The following CSMD1 variants were observed in gnomAD, a reference collection of about 807,000 sequenced individuals.
CSMD1 encodes CUB and Sushi multiple domains 1, also known as CUB and sushi domain-containing protein 1.
CSMD1 carries 213 observed loss-of-function variants against 417.5 expected under a neutral mutation model. The ratio of observed to expected loss-of-function variants is 0.51; its 90% CI spans 0.46 to 0.57. The LOEUF (loss-of-function observed/expected upper bound fraction) is 0.57. CSMD1 is among the 20% of genes least tolerant of loss of function. The pLI is 0.00. For missense variants in CSMD1, 6,923 were observed against 4,529.7 expected (o/e 1.53, Z -15.17); for synonymous variants, 2,862 against 1,736.8 (o/e 1.65, Z -16.11).
chr8:4,074,742 G>C (rs1014309280), intron 3 of CSMD1, among the ~76,000 whole-genome samples: 15 of 151,204 alleles, frequency 9.9e-5, no homozygotes, highest in South Asian at 2.1e-4. Context: ...TTAGGAAAAA[G>C]AAACAAACAA....
chr8:4,253,055 G>A lies in CSMD1; in HGVS notation c.415+166898C>T, dbSNP rs552538721. On this transcript the variant is annotated intron_variant, in intron 3 of 69. Coordinates refer to ENST00000635120, the MANE Select transcript of CSMD1 (RefSeq NM_033225.6). ...AATTTTTCATGTGCCAACGTCTTAC[G>A]ATGAGACTACAAGCTCTTAGAGGAA... Among the ~76,000 whole-genome samples, 27 of 152,276 alleles carry A rather than the reference G, an allele frequency of 1.8e-4. No homozygotes were observed. In the South Asian group the frequency reaches 3.9e-3, roughly 22 times the overall value.
chr8:4,036,292 C>T (rs1049835529), intron 3 of CSMD1, among the ~76,000 whole-genome samples: 1 of 152,018 alleles, frequency 6.6e-6, no homozygotes, highest in Non-Finnish European at 1.5e-5. Context: ...TTGTTATGGT[C>T]AAGCCTCCCA....
At chr8:3,035,059 TAC>T (rs1810582559) in intron 50 of CSMD1, among the ~76,000 whole-genome samples, 1 of 152,100 alleles carries the variant, frequency 6.6e-6, no homozygotes, top group East Asian at 1.9e-4. Flanking sequence ...AAAGTGGAGT[TAC>T]AGTCAGGAGG....
At chr8:3,820,235 A>G (rs180757275) in intron 5 of CSMD1, among the ~76,000 whole-genome samples, 50 of 152,254 alleles carry the variant, frequency 3.3e-4, no homozygotes, top group South Asian at 1.9e-3. Context: ...AGCCATATAG[A>G]CACACTTCCC....
At chr8:4,992,256 G>T (rs1811509734) in intron 1 of CSMD1, among the ~76,000 whole-genome samples, 1 of 151,558 alleles carries the variant, frequency 6.6e-6, no homozygotes. Flanking sequence ...TCATCCTAGC[G>T]CTGCAGCCCA....
intron 25 of CSMD1, among the ~76,000 whole-genome samples, chr8:3,298,240 C>A (rs1804118467): frequency 6.6e-6 from 1 of 152,004 alleles, no homozygotes; most frequent in Non-Finnish European, 1.5e-5. Context: ...CAGTGTATAC[C>A]CATGGAAAAA....
At chr8:4,686,589 G>T (rs575546286) in intron 1 of CSMD1, among the ~76,000 whole-genome samples, 1 of 152,316 alleles carries the variant, frequency 6.6e-6, no homozygotes, top group East Asian at 1.9e-4. Flanking sequence ...CAAGTCCTTC[G>T]TCCAGTCTCA....
chr8:3,350,797 A>C (rs777214875), intron 21 of CSMD1, among the ~76,000 whole-genome samples: 1 of 152,312 alleles, frequency 6.6e-6, no homozygotes, highest in African/African-American at 2.4e-5. Context: ...AAAAAAATCT[A>C]AACCAAAAGA....
At chr8:3,454,976 C>A (rs535445389) in intron 12 of CSMD1, among the ~76,000 whole-genome samples, 2 of 152,354 alleles carry the variant, frequency 1.3e-5, no homozygotes, top group Admixed American at 6.5e-5. Context: ...GGTCTTTTCA[C>A]ATAGTCCCAT....
chr8:4,331,802 T>A (rs1220480916), intron 3 of CSMD1, among the ~76,000 whole-genome samples: 1 of 152,202 alleles, frequency 6.6e-6, no homozygotes, highest in African/African-American at 2.4e-5. Flanking sequence ...TGACTCACAG[T>A]ATTTTTCCTC....
intron 1 of CSMD1, among the ~76,000 whole-genome samples, chr8:4,766,206 G>T (rs1438381726): frequency 6.6e-6 from 1 of 152,156 alleles, no homozygotes; most frequent in South Asian, 2.1e-4. Context: ...CCTACTAACA[G>T]AGCATGTGCT....
intron 49 of CSMD1, among the ~76,000 whole-genome samples, chr8:3,076,307 G>T (rs1250977331): frequency 1.4e-5 from 1 of 73,796 alleles, no homozygotes; most frequent in Non-Finnish European, 2.8e-5. Context: ...TGTCTCTGCA[G>T]GCTAACTTCC....
chr8:4,053,720 G>A (rs543064233), intron 3 of CSMD1, among the ~76,000 whole-genome samples: 1 of 152,074 alleles, frequency 6.6e-6, no homozygotes, highest in East Asian at 1.9e-4. Flanking sequence ...GGAGGAAAAT[G>A]CTCCAGAACT....
chr8:4,227,956 C>G (rs899139273), intron 3 of CSMD1, among the ~76,000 whole-genome samples: 4 of 143,586 alleles, frequency 2.8e-5, no homozygotes, highest in Non-Finnish European at 6.1e-5. Context: ...ATCCTGCATT[C>G]AATCCCACAC....
rs770195119 is a variant in CSMD1, at chr8:3,110,266, G to A, written c.6500C>T (p.Pro2167Leu). 24 of 1,613,264 alleles carry A rather than the reference G, an allele frequency of 1.5e-5. No homozygotes were observed. The highest frequency in any genetic ancestry group is 3.3e-5 in the South Asian group (3 of 90,866). Residue 2167 changes from proline to leucine, a missense_variant, in exon 43 of 70, where the codon CCG becomes CTG. Physicochemically the swap from Pro to Leu is moderately conservative, Grantham distance 98. Coordinates refer to ENST00000635120, the MANE Select transcript of CSMD1 (RefSeq NM_033225.6). Reference protein sequence around the residue: ...IYSPGFPDEYPILKDCIWLIT... With the variant: ...IYSPGFPDEYLILKDCIWLIT... ...GAGCCAAATGCAGTCCTTCAGGATCGGATACTCATCAGGAAAGCCAGGGGA... is the reference window on the plus strand; with the variant it reads ...GAGCCAAATGCAGTCCTTCAGGATCAGATACTCATCAGGAAAGCCAGGGGA...
chr8:4,679,119 C>A (rs1412893076), intron 1 of CSMD1, among the ~76,000 whole-genome samples: 1 of 152,130 alleles, frequency 6.6e-6, no homozygotes, highest in Non-Finnish European at 1.5e-5. Flanking sequence ...GTTTCTTTTT[C>A]TGTCAATGTA....
intron 49 of CSMD1, among the ~76,000 whole-genome samples, chr8:3,054,158 T>G (rs757053871): frequency 3.3e-5 from 5 of 152,236 alleles, no homozygotes; most frequent in Non-Finnish European, 7.3e-5. Context: ...GTTCCTTGGT[T>G]TGCTGTATTG....
rs549301735 is a variant in CSMD1 at position 4,670,255 on chromosome 8, C to T, written c.86-32697G>A. Among the ~76,000 whole-genome samples, 9 of 152,256 alleles carry T rather than the reference C, an allele frequency of 5.9e-5. No homozygotes were observed. The South Asian group carries it at 1.7e-3, about 28-fold the overall frequency. On this transcript the variant is annotated intron_variant, in intron 1 of 69. Coordinates refer to ENST00000635120, the MANE Select transcript of CSMD1 (RefSeq NM_033225.6). ...GTGGATAATGTAGAAGAGGCATGGC[C>T]TTTAGTCTCCTGGAAGCTCTCATTT... is the stretch of plus-strand genomic sequence containing the variant.
chr8:2,974,084 G>T (rs1434483215), intron 56 of CSMD1, among the ~76,000 whole-genome samples: 1 of 151,428 alleles, frequency 6.6e-6, no homozygotes, highest in African/African-American at 2.4e-5. Context: ...TGATGGTAGA[G>T]GATGATGGTA....
Sources: gnomAD v4.1 joint callset for allele counts (sites outside exome capture counted in the v4.1 genomes callset) on GRCh38, gnomAD v4.1.1 for gene constraint, MANE v1.5 for transcripts, NCBI Gene and HGNC (gene_info 2026-07-23, HGNC 2026-07-21) for gene names.